HSPA4: variants seen among roughly 807,000 people sequenced by gnomAD.
The protein encoded by HSPA4 is heat shock 70 kDa protein 4.
HSPA4 carries 25 observed loss-of-function variants against 106.2 expected under a neutral mutation model. The ratio of observed to expected loss-of-function variants is 0.24; its 90% CI spans 0.17 to 0.33. The LOEUF is 0.33. HSPA4 is among the 10% of genes least tolerant of loss of function. The probability of loss-of-function intolerance (pLI) is 1.00; values close to 1 mark genes in which losing one functional copy is unlikely to be tolerated. For synonymous variants in HSPA4, 332 were observed against 333.6 expected (o/e 1.00, Z 0.05); for missense variants, 841 against 996.0 (o/e 0.84, Z 2.10).
Position 133,105,556 on chromosome 5 carries a change from C to T in HSPA4, c.*1120C>T, listed in dbSNP as rs1765846114. On this transcript the variant is annotated 3_prime_UTR_variant, in exon 19 of 19. Transcript: ENST00000304858. Reference sequence around the variant, plus strand: ...CAATGTCAGGTATACCAAAGCATTCCTCTGACTGCTTTTTGGGGCAGTGTT... The same window carrying T: ...CAATGTCAGGTATACCAAAGCATTCTTCTGACTGCTTTTTGGGGCAGTGTT... 1 of 152,130 alleles carries T rather than the reference C, an allele frequency of 6.6e-6. No homozygotes were observed. Among genetic ancestry groups the T allele is most frequent in the South Asian group, 2.1e-4 (1 of 4,828 alleles). 9.4% of individuals were successfully genotyped at this position (152,130 alleles called of 1,614,324 possible).
intron 1 of HSPA4, among the ~76,000 whole-genome samples, chr5:133,063,493 C>T (rs1169704828): frequency 2.6e-5 from 4 of 151,956 alleles, no homozygotes; most frequent in Non-Finnish European, 5.9e-5. Context: ...TGCAGTGGTG[C>T]GATCTTGGCT....
At position 133,089,907 on chromosome 5, in the gene HSPA4, C is replaced by T. The variant is rs559544684; in HGVS notation, c.1378+212C>T. On this transcript the variant is annotated intron_variant, in intron 11 of 18. Transcript: ENST00000304858. ...TGGAGAGTTCGCATAGTAGAAAGAA[C>T]AAGTATGGTATTCTGAAATTTAGGG... Among the ~76,000 whole-genome samples, 16 of 152,044 alleles carry T rather than the reference C, an allele frequency of 1.1e-4. No homozygotes were observed. The East Asian group carries it at 3.1e-3, about 29-fold the overall frequency.
At chr5:133,086,928 C>A in intron 8 of HSPA4, 70 bp downstream of exon 8, 2 of 1,217,044 alleles carry the variant, frequency 1.6e-6, no homozygotes, top group Non-Finnish European at 2.4e-6. Context: ...TATTATCTTA[C>A]TTTTGCAAGC....
At chr5:133,070,588 C>T in intron 4 of HSPA4, 92 bp downstream of exon 4, 1 of 1,458,420 alleles carries the variant, frequency 6.9e-7, no homozygotes, top group Non-Finnish European at 9.5e-7. Context: ...TTTTTTGTCT[C>T]AGGTTGTAAT....
At chr5:133,072,501 G>A (rs927610557) in intron 4 of HSPA4, among the ~76,000 whole-genome samples, 5 of 143,730 alleles carry the variant, frequency 3.5e-5, no homozygotes, top group South Asian at 2.3e-4. Flanking sequence ...CCAGGTTCAA[G>A]CCTCAACCTT....
At chr5:133,090,221 T>A (rs1765629146) in intron 11 of HSPA4, among the ~76,000 whole-genome samples, 1 of 151,116 alleles carries the variant, frequency 6.6e-6, no homozygotes, top group African/African-American at 2.4e-5. Flanking sequence ...GGTCAGGAGA[T>A]CGAGACCATC....
chr5:133,076,854 T>G lies in HSPA4; in HGVS notation c.864T>G (p.Ile288Met). The G allele has an allele frequency of 6.2e-7, 1 of 1,611,940 alleles. No individual in the cohort carries two copies. Among genetic ancestry groups the G allele is most frequent in the Admixed American group, 1.7e-5 (1 of 60,020 alleles). ...SANASDLPLS[I>M]ECFMNDVDVS... ...ATGCTTCAGATCTCCCTTTGAGCATTGAATGTTTTATGAATGATGTTGATG... is the reference window on the plus strand; with the variant it reads ...ATGCTTCAGATCTCCCTTTGAGCATGGAATGTTTTATGAATGATGTTGATG... Residue 288 changes from isoleucine to methionine, a missense_variant, in exon 7 of 19, where the codon ATT (isoleucine) becomes ATG (methionine). Transcript: ENST00000304858.
chr5:133,090,822 C>T (rs1251648552), intron 11 of HSPA4, among the ~76,000 whole-genome samples: 2 of 151,674 alleles, frequency 1.3e-5, no homozygotes, highest in Non-Finnish European at 2.9e-5. Context: ...TACTGATAAA[C>T]GACAAGCAGA....
intron 5 of HSPA4, among the ~76,000 whole-genome samples, chr5:133,073,738 A>T (rs1006247749): frequency 1.3e-5 from 2 of 152,198 alleles, no homozygotes; most frequent in African/African-American, 2.4e-5. Flanking sequence ...TATTTGGAAA[A>T]TGGGGGAAAT....
intron 1 of HSPA4, among the ~76,000 whole-genome samples, chr5:133,063,428 C>T (rs1041517156): frequency 6.6e-6 from 1 of 151,592 alleles, no homozygotes; most frequent in African/African-American, 2.4e-5. Context: ...CAAATTTACT[C>T]TTTTTTTTGT....
chr5:133,070,545 G>A, intron 4 of HSPA4, 49 bp downstream of exon 4: 1 of 1,597,968 alleles, frequency 6.3e-7, no homozygotes, highest in Non-Finnish European at 8.5e-7. Flanking sequence ...AAGAAGCAGA[G>A]AGAAGAAAGC....
chr5:133,088,597 T>G, intron 9 of HSPA4, 42 bp downstream of exon 9: 4 of 1,535,808 alleles, frequency 2.6e-6, no homozygotes, highest in Non-Finnish European at 3.6e-6. Context: ...TATAAATCAT[T>G]GTAACAAGAT....
At chr5:133,079,478 T>G (rs1383571835) in intron 7 of HSPA4, among the ~76,000 whole-genome samples, 1 of 152,238 alleles carries the variant, frequency 6.6e-6, no homozygotes, top group Non-Finnish European at 1.5e-5. Flanking sequence ...TTAATTTGTT[T>G]TTTTGGGCAG....
At chr5:133,085,432 A>T (rs1765565151) in intron 7 of HSPA4, among the ~76,000 whole-genome samples, 1 of 148,878 alleles carries the variant, frequency 6.7e-6, no homozygotes, top group Non-Finnish European at 1.5e-5. Flanking sequence ...CAGGTGAATC[A>T]CTTGAGGTCA....
At chr5:133,100,324 C>T (rs563669103) in intron 16 of HSPA4, among the ~76,000 whole-genome samples, 7 of 152,176 alleles carry the variant, frequency 4.6e-5, no homozygotes, top group African/African-American at 1.2e-4. Context: ...ATGCCTTGGC[C>T]TCCCGAAGTG....
chr5:133,083,280 C>G (rs1400618789), intron 7 of HSPA4, among the ~76,000 whole-genome samples: 2 of 152,064 alleles, frequency 1.3e-5, no homozygotes, highest in Non-Finnish European at 2.9e-5. Context: ...CCACTGCACT[C>G]CAGCCTGGGT....
At chr5:133,070,090 C>T (rs1006040059) in intron 3 of HSPA4, among the ~76,000 whole-genome samples, 7 of 151,956 alleles carry the variant, frequency 4.6e-5, no homozygotes, top group African/African-American at 7.3e-5. Flanking sequence ...TTGCTTAAAC[C>T]CAGGAGGTTA....
intron 1 of HSPA4, among the ~76,000 whole-genome samples, chr5:133,060,982 A>G (rs1765234844): frequency 6.6e-6 from 1 of 151,846 alleles, no homozygotes; most frequent in Admixed American, 6.6e-5. Context: ...GCTAGTGGCT[A>G]CTTCATTAGA....
At chr5:133,083,587 G>A (rs2126707954) in intron 7 of HSPA4, among the ~76,000 whole-genome samples, 1 of 151,998 alleles carries the variant, frequency 6.6e-6, no homozygotes. Flanking sequence ...GCCCAGGCTG[G>A]AGTGCAATGG....
Sources: gnomAD v4.1 joint callset for allele counts (sites outside exome capture counted in the v4.1 genomes callset) on GRCh38, gnomAD v4.1.1 for gene constraint, MANE v1.5 for transcripts, NCBI Gene and HGNC (gene_info 2026-07-23, HGNC 2026-07-21) for gene names.